C1orf21: variants seen among roughly 807,000 people sequenced by gnomAD.
C1orf21 encodes chromosome 1 open reading frame 21, also known as uncharacterized protein C1orf21.
In C1orf21, 3 loss-of-function variants were observed where a neutral mutation model predicts 18.7. The observed-to-expected ratio is 0.16, with a 90% confidence interval of 0.07 to 0.42. C1orf21 has a LOEUF of 0.42. C1orf21 is among the 10% of genes least tolerant of loss of function. The pLI is 0.99. For missense variants in C1orf21, 104 were observed against 143.6 expected, an observed-to-expected ratio of 0.72 and a Z score of 1.41; for synonymous variants, 41 against 46.4, an observed-to-expected ratio of 0.88 and a Z score of 0.47.
At chr1:184,495,528 C>T (rs913729194) in intron 2 of C1orf21, among the ~76,000 whole-genome samples, 25 of 152,232 alleles carry the variant, frequency 1.6e-4, no homozygotes, top group African/African-American at 5.8e-4. Flanking sequence ...AAAAAATTAA[C>T]GTCAATATAC....
chr1:184,551,983 CGT>C (rs1491500889), intron 3 of C1orf21, among the ~76,000 whole-genome samples: 7 of 146,050 alleles, frequency 4.8e-5, no homozygotes, highest in Non-Finnish European at 1.0e-4. Flanking sequence ...ATAGAATTAA[CGT>C]TTTTTTAAAA....
At chr1:184,581,948 C>G (rs561814838) in intron 3 of C1orf21, among the ~76,000 whole-genome samples, 12 of 152,118 alleles carry the variant, frequency 7.9e-5, no homozygotes, top group Non-Finnish European at 1.6e-4. Flanking sequence ...ATAATTGTAA[C>G]AAAATACTAA....
rs903815753 is a variant in C1orf21 at position 184,388,165 on chromosome 1, T to C, written c.-125+797T>C. On this transcript the variant is annotated intron_variant, in intron 1 of 5. Coordinates refer to ENST00000235307, the MANE Select transcript of C1orf21 (RefSeq NM_030806.4). Reference sequence around the variant, plus strand: ...TTGTTTTTGTTTTTGTTTTTTCCTTTCCACTTACTGTTTGTGTGAGAGAAG... The same window carrying C: ...TTGTTTTTGTTTTTGTTTTTTCCTTCCCACTTACTGTTTGTGTGAGAGAAG... Among the ~76,000 whole-genome samples, 5 of 152,300 alleles carry C rather than the reference T, an allele frequency of 3.3e-5. 1 individual carries two copies. The highest frequency in any genetic ancestry group is 1.2e-4 in the African/African-American group (5 of 41,562).
intron 3 of C1orf21, among the ~76,000 whole-genome samples, chr1:184,565,337 A>G (rs1659020821): frequency 1.3e-5 from 2 of 152,226 alleles, no homozygotes; most frequent in South Asian, 4.1e-4. Flanking sequence ...ATAGTGTTTT[A>G]TGAGAGAAAT....
chr1:184,546,383 C>T (rs967690313), intron 3 of C1orf21, among the ~76,000 whole-genome samples: 6 of 152,106 alleles, frequency 3.9e-5, no homozygotes, highest in Non-Finnish European at 7.4e-5. Flanking sequence ...TGCAGTGAGC[C>T]GAGATTGCAC....
chr1:184,467,248 G>A (rs1359207554), intron 1 of C1orf21, among the ~76,000 whole-genome samples: 1 of 152,190 alleles, frequency 6.6e-6, no homozygotes, highest in Non-Finnish European at 1.5e-5. Context: ...CTATGAGCCT[G>A]ACATTGTGCC....
intron 2 of C1orf21, among the ~76,000 whole-genome samples, chr1:184,480,102 T>G (rs1657632106): frequency 6.6e-6 from 1 of 152,148 alleles, no homozygotes. Context: ...GGAAAAGACA[T>G]ACCTCATGAT....
intron 5 of C1orf21, among the ~76,000 whole-genome samples, chr1:184,603,242 G>C (rs1300890190): frequency 6.6e-6 from 1 of 152,184 alleles, no homozygotes; most frequent in Non-Finnish European, 1.5e-5. Context: ...AGATAGTTGT[G>C]ACTTTAAAGA....
chr1:184,391,605 T>TA (rs1655971394), intron 1 of C1orf21, among the ~76,000 whole-genome samples: 1 of 152,230 alleles, frequency 6.6e-6, no homozygotes, highest in Non-Finnish European at 1.5e-5. Flanking sequence ...GTATGGTAGT[T>TA]TATTAAGAGC....
At chr1:184,456,814 G>A (rs185469524) in intron 1 of C1orf21, among the ~76,000 whole-genome samples, 3 of 152,134 alleles carry the variant, frequency 2.0e-5, no homozygotes, top group Admixed American at 6.6e-5. Context: ...TTTCTTACTT[G>A]CTCATCTTTT....
intron 1 of C1orf21, among the ~76,000 whole-genome samples, chr1:184,404,464 A>G (rs1380956533): frequency 6.6e-6 from 1 of 152,116 alleles, no homozygotes; most frequent in Non-Finnish European, 1.5e-5. Flanking sequence ...TGAATGCTGC[A>G]TCCTCCAGAG....
intron 3 of C1orf21, among the ~76,000 whole-genome samples, chr1:184,547,420 C>CTTTTTTTTT (rs34169321): frequency 3.9e-5 from 4 of 102,934 alleles, no homozygotes; most frequent in Non-Finnish European, 5.6e-5. Flanking sequence ...TACATCCAGA[C>CTTTTTTTTT]TTTTTTTTTT....
intron 3 of C1orf21, among the ~76,000 whole-genome samples, chr1:184,571,717 C>T (rs1327917936): frequency 6.6e-6 from 1 of 152,196 alleles, no homozygotes; most frequent in Non-Finnish European, 1.5e-5. Context: ...AGACCTCTCT[C>T]ATCATTAGAT....
At chr1:184,605,244 G>C (rs973793613) in intron 5 of C1orf21, among the ~76,000 whole-genome samples, 5 of 152,140 alleles carry the variant, frequency 3.3e-5, no homozygotes, top group Admixed American at 6.5e-5. Context: ...CATGGATGTT[G>C]CTTCAGCCCT....
chr1:184,400,937 T>C (rs963954803), intron 1 of C1orf21, among the ~76,000 whole-genome samples: 1 of 152,324 alleles, frequency 6.6e-6, no homozygotes, highest in African/African-American at 2.4e-5. Flanking sequence ...GTGGGTGTTA[T>C]GTGCTACATT....
In C1orf21 at chr1:184,627,286, T is replaced by C. The variant is rs1404955946; in HGVS notation, c.*7730T>C. On this transcript the variant is annotated 3_prime_UTR_variant, in exon 6 of 6. Transcript: ENST00000235307. ...CAAATAACCTCGGAGTTCAGAGCAT[T>C]GGGTTTTTTTCTCCCCTCCCCACCC... The C allele has an allele frequency of 6.6e-6, 1 of 152,092 alleles. No individual in the cohort carries two copies. Among genetic ancestry groups the C allele is most frequent in the African/African-American group, 2.4e-5 (1 of 41,400 alleles). The allele number at this position is 152,092 out of a possible 1,614,324, so 9.4% of individuals were successfully genotyped here.
chr1:184,615,052 T>A (rs1659800436), intron 5 of C1orf21, among the ~76,000 whole-genome samples: 1 of 152,196 alleles, frequency 6.6e-6, no homozygotes, highest in African/African-American at 2.4e-5. Flanking sequence ...TTAAAGTCAC[T>A]CTTTGAGCTG....
intron 3 of C1orf21, among the ~76,000 whole-genome samples, chr1:184,548,214 AACACACACACAC>A (rs58174774): frequency 0.014 from 1,981 of 140,052 alleles, 42 homozygotes; most frequent in African/African-American, 0.049. Flanking sequence ...TCAAATCCCC[AACACACACACAC>A]ACACACACAC....
At chr1:184,556,907 G>A (rs895412181) in intron 3 of C1orf21, among the ~76,000 whole-genome samples, 1 of 152,164 alleles carries the variant, frequency 6.6e-6, no homozygotes, top group African/African-American at 2.4e-5. Context: ...AAAGCGGCCT[G>A]AGCATCACAA....
Sources: gnomAD v4.1 joint callset for allele counts (sites outside exome capture counted in the v4.1 genomes callset) on GRCh38, gnomAD v4.1.1 for gene constraint, MANE v1.5 for transcripts, NCBI Gene and HGNC (gene_info 2026-07-23, HGNC 2026-07-21) for gene names.